Variants in OCA2 observed in about 807,000 individuals in gnomAD.
OCA2 encodes OCA2 melanosomal transmembrane protein, also known as P protein.
Under a neutral mutation model 100.2 loss-of-function variants are expected in OCA2, and 77 were observed. That is an observed-to-expected ratio of 0.77 (90% CI 0.64 to 0.93). OCA2 has a LOEUF of 0.93. Ranked by LOEUF, OCA2 falls within the 40% of genes least tolerant of loss-of-function variation. OCA2 has a pLI of 0.00. For synonymous variants in OCA2, 432 were observed against 439.2 expected (o/e 0.98, Z 0.21); for missense variants, 1,062 against 1,089.1 (o/e 0.98, Z 0.35).
intron 1 of OCA2, among the ~76,000 whole-genome samples, chr15:28,082,152 G>T (rs1011377587): frequency 1.3e-5 from 2 of 152,148 alleles, no homozygotes; most frequent in African/African-American, 4.8e-5. Context: ...TGTCTAGCTA[G>T]AGGATTGTAA....
chr15:27,774,278 G>A (rs145735784), intron 23 of OCA2, among the ~76,000 whole-genome samples: 5 of 152,304 alleles, frequency 3.3e-5, no homozygotes, highest in East Asian at 1.9e-4. Context: ...TGCTGCCCCC[G>A]CCTCTCTCTG....
At chr15:27,740,882 C>A in the OCA2 span, among the ~76,000 whole-genome samples, 3 of 152,334 alleles carry the variant, frequency 2.0e-5, no homozygotes, top group African/African-American at 7.2e-5. Flanking sequence ...TCTCCAGCCT[C>A]CTGAAATGAG....
chr15:28,063,469 GT>G (rs1206435781), intron 2 of OCA2, among the ~76,000 whole-genome samples: 1 of 151,972 alleles, frequency 6.6e-6, no homozygotes, highest in African/African-American at 2.4e-5. Context: ...TATGCCTCAT[GT>G]TTTTTTCTGT....
At position 28,081,688 on chromosome 15, in the gene OCA2, G is replaced by T. The variant is rs754549783; in HGVS notation, c.187C>A (p.Pro63Thr). ...RGAAGQSSWA[P>T]AGQEFASFLT... ...AATGAAGCAAACTCCTGGCCTGCAG[G>T]AGCCCAAGAGCTCTGCCCGGCAGCC... The change falls in exon 2 of 24, where the codon CCT (proline) becomes ACT (threonine). Residue 63 changes from proline to threonine, a missense_variant. Physicochemically the swap from Pro to Thr is conservative, Grantham distance 38 (BLOSUM62 -1). Transcript: ENST00000354638. 6.2e-7 allele frequency: 1 copy of T among 1,613,854 alleles called. No homozygotes were observed. The highest frequency in any genetic ancestry group is 8.5e-7 in the Non-Finnish European group (1 of 1,180,012).
At chr15:27,984,967 T>G in intron 13 of OCA2, 97 bp downstream of exon 13, 6 of 1,469,624 alleles carry the variant, frequency 4.1e-6, no homozygotes, top group Non-Finnish European at 5.6e-6. Flanking sequence ...CACCTTTTCA[T>G]GCACCTGAGA....
Position 27,790,787 on chromosome 15 carries a change from ATTT to A in OCA2, c.2433-35318_2433-35316del, listed in dbSNP as rs35991529. On this transcript the variant is annotated intron_variant, in intron 23 of 23. Transcript: ENST00000354638. ...TTCAATTATACCTCAATTACCCTGAATTTTTTTTTTTTTTTTTGAGACAGGGCA... is the reference window on the plus strand; with the variant it reads ...TTCAATTATACCTCAATTACCCTGAATTTTTTTTTTTTTTGAGACAGGGCA... 6.4e-3 allele frequency among the ~76,000 whole-genome samples: 905 copies of A among 141,174 alleles called. 16 individuals carry two copies. The highest frequency in any genetic ancestry group is 0.022 in the African/African-American group (844 of 37,956). 92.6% of individuals were successfully genotyped at this position (141,174 alleles called of 152,430 possible). A position where few individuals can be genotyped will look rare whatever the true frequency, so the allele number is the denominator to read the frequency against.
chr15:27,734,151 C>CAA, the OCA2 span, among the ~76,000 whole-genome samples: 177 of 127,342 alleles, frequency 1.4e-3, 1 homozygote, highest in African/African-American at 4.7e-3. Context: ...GGCTCTGTCT[C>CAA]AAAAAAAAAA....
chr15:28,032,199 A>T, intron 2 of OCA2, 36 bp from the exon 3 acceptor site: 1 of 1,444,048 alleles, frequency 6.9e-7, no homozygotes, highest in Non-Finnish European at 9.8e-7. Context: ...AATCACCAAC[A>T]CAGAAATAAT....
chr15:27,850,367 T>C (rs2035703146), intron 22 of OCA2, among the ~76,000 whole-genome samples: 1 of 152,200 alleles, frequency 6.6e-6, no homozygotes, highest in Non-Finnish European at 1.5e-5. Context: ...TGTCAGGGTA[T>C]AGCAGATGCT....
chr15:27,941,667 G>A (rs1161092900), intron 18 of OCA2, among the ~76,000 whole-genome samples: 18 of 152,150 alleles, frequency 1.2e-4, no homozygotes, highest in Admixed American at 2.6e-4. Flanking sequence ...GCAAGGCTGC[G>A]GTTTTAAGCA....
Position 27,985,112 on chromosome 15 carries a change from A to G in OCA2, c.1316T>C (p.Phe439Ser), listed in dbSNP as rs1291485093. 1.9e-6 allele frequency: 3 copies of G among 1,614,036 alleles called. No homozygotes were observed. In the East Asian group the frequency reaches 6.7e-5, roughly 36 times the overall value. Residue 439 changes from phenylalanine to serine, a missense_variant, in exon 13 of 24, where the codon TTC becomes TCC. Phe to Ser is a radical substitution (Grantham distance 155). Transcript: ENST00000354638. ...LCLIAAVLSA[F>S]LDNVTTMLLF... is the part of the protein sequence containing the mutation. ...GAGCATGGTGGTGACGTTGTCCAAG[A>G]AGGCAGAGAGGACGGCCGCGATGAG...
At chr15:27,968,908 T>C (rs1046728606) in intron 14 of OCA2, among the ~76,000 whole-genome samples, 1 of 151,008 alleles carries the variant, frequency 6.6e-6, no homozygotes, top group Non-Finnish European at 1.5e-5. Flanking sequence ...CTATAATTCA[T>C]ACCCCAGATA....
chr15:27,964,367 G>A (rs1181626110), intron 15 of OCA2, among the ~76,000 whole-genome samples: 1 of 152,174 alleles, frequency 6.6e-6, no homozygotes, highest in Admixed American at 6.5e-5. Context: ...GTGATCAGAG[G>A]GATAGGCTCT....
intron 23 of OCA2, among the ~76,000 whole-genome samples, chr15:27,828,948 C>T (rs990079252): frequency 6.6e-6 from 1 of 152,176 alleles, no homozygotes; most frequent in African/African-American, 2.4e-5. Flanking sequence ...AGAAAGGGGC[C>T]ACCCTGGCTG....
chr15:27,901,714 G>A (rs2037941682), intron 19 of OCA2, among the ~76,000 whole-genome samples: 1 of 152,242 alleles, frequency 6.6e-6, no homozygotes, highest in Non-Finnish European at 1.5e-5. Context: ...AAAAGCTGAT[G>A]ATAGCCTATC....
intron 9 of OCA2, among the ~76,000 whole-genome samples, chr15:27,999,951 G>T (rs1466588789): frequency 6.6e-6 from 1 of 152,060 alleles, no homozygotes; most frequent in Non-Finnish European, 1.5e-5. Context: ...AGACATGAAT[G>T]AAGAAATCAA....
chr15:27,985,159 C>T lies in OCA2; in HGVS notation c.1269G>A (p.Trp423Ter), dbSNP rs1397133196. ...TGAGACAGAGCATGATGATCATGGCCCACACCCGTCCCCGGGAGAGCCGGT... is the reference window on the plus strand; with the variant it reads ...TGAGACAGAGCATGATGATCATGGCTCACACCCGTCCCCGGGAGAGCCGGT... ...KAYRLSRGRV[W>*]AMIIMLCLIA... Residue 423 changes from tryptophan (W) to a stop codon, truncating the protein, a stop_gained, in exon 13 of 24, where the codon TGG becomes TGA. Transcript: ENST00000354638. LOFTEE classifies it high-confidence loss of function. 6.2e-7 allele frequency: 1 copy of T among 1,613,704 alleles called. No homozygotes were observed. The highest frequency in any genetic ancestry group is 1.3e-5 in the African/African-American group (1 of 74,914).
In OCA2 at chr15:28,081,781, C is replaced by A. The variant is rs1321894065; in HGVS notation, c.94G>T (p.Val32Leu). Residue 32 changes from valine to leucine, a missense_variant, in exon 2 of 24, where the codon GTG becomes TTG. Physicochemically the swap from Val to Leu is conservative, Grantham distance 32. Transcript: ENST00000354638. ...CGAGGAAGCCTGCGCTTGCCGGCCA[C>A]AAGTTCAGCGAGTCCGCTGGGCACG... Reference protein sequence around the residue: ...TSVPSGLAELVAGKRRLPRGA... With the variant: ...TSVPSGLAELLAGKRRLPRGA... 5 of 1,613,172 alleles carry A rather than the reference C, an allele frequency of 3.1e-6. No individual in the cohort carries two copies. In the African/African-American group the frequency reaches 6.7e-5, roughly 22 times the overall value.
intron 2 of OCA2, among the ~76,000 whole-genome samples, chr15:28,064,512 A>G (rs2043966337): frequency 6.6e-6 from 1 of 151,950 alleles, no homozygotes; most frequent in Admixed American, 6.6e-5. Flanking sequence ...TCCTATCTTC[A>G]AGCCTGCTGA....
Sources: allele counts gnomAD v4.1 joint callset (sites outside exome capture counted in the v4.1 genomes callset), GRCh38; gene constraint gnomAD v4.1.1; transcripts MANE v1.5; gene names NCBI Gene and HGNC (gene_info 2026-07-23, HGNC 2026-07-21).